SPIDR: variants seen among roughly 807,000 people sequenced by gnomAD.
SPIDR encodes the protein scaffold protein involved in DNA repair.
In SPIDR, 93 loss-of-function variants were observed where a neutral mutation model predicts 104.6. The ratio of observed to expected loss-of-function variants is 0.89; its 90% CI spans 0.75 to 1.06. The LOEUF is 1.06. Among genes scored for constraint, SPIDR ranks in the 50% least tolerant of loss-of-function variants. SPIDR has a pLI of 0.00. For synonymous variants in SPIDR, 431 were observed against 416.9 expected (o/e 1.03, Z -0.41); for missense variants, 1,154 against 1,111.2 (o/e 1.04, Z -0.55).
At chr8:47,305,970 T>C (rs1346567852) in intron 5 of SPIDR, among the ~76,000 whole-genome samples, 4 of 152,180 alleles carry the variant, frequency 2.6e-5, no homozygotes, top group Non-Finnish European at 4.4e-5. Context: ...CATTAAACAG[T>C]AACTCCTCCT....
At chr8:47,481,956 A>G (rs974872805) in intron 8 of SPIDR, among the ~76,000 whole-genome samples, 5 of 152,226 alleles carry the variant, frequency 3.3e-5, no homozygotes, top group South Asian at 2.1e-4. Flanking sequence ...ACTAAAGCCA[A>G]CATTTTTCAT....
intron 1 of SPIDR, among the ~76,000 whole-genome samples, chr8:47,268,176 A>G (rs889962969): frequency 1.1e-4 from 16 of 152,348 alleles, no homozygotes; most frequent in African/African-American, 3.4e-4. Flanking sequence ...TTTCTGGTCT[A>G]TGAATTCTAT....
At chr8:47,576,214 C>T (rs972941766) in intron 8 of SPIDR, among the ~76,000 whole-genome samples, 1 of 152,048 alleles carries the variant, frequency 6.6e-6, no homozygotes, top group Non-Finnish European at 1.5e-5. Flanking sequence ...TGCAATGGCA[C>T]AATTTCAGCT....
chr8:47,568,793 A>C (rs1293101440), intron 8 of SPIDR, among the ~76,000 whole-genome samples: 1 of 152,238 alleles, frequency 6.6e-6, no homozygotes, highest in Non-Finnish European at 1.5e-5. Flanking sequence ...AATGTACTCC[A>C]AGCAAGATAA....
chr8:47,535,745 A>G (rs1350454601), intron 8 of SPIDR, among the ~76,000 whole-genome samples: 8 of 152,162 alleles, frequency 5.3e-5, no homozygotes, highest in Non-Finnish European at 1.2e-4. Context: ...CTTGTTAAAG[A>G]ACCTCTGCAA....
intron 8 of SPIDR, among the ~76,000 whole-genome samples, chr8:47,484,711 T>A (rs1554729567): frequency 5.9e-5 from 9 of 152,224 alleles, no homozygotes. Flanking sequence ...AGAATTGTTA[T>A]AAAAGACATC....
chr8:47,352,061 G>A (rs944168655), intron 5 of SPIDR, among the ~76,000 whole-genome samples: 3 of 151,996 alleles, frequency 2.0e-5, no homozygotes, highest in Admixed American at 6.6e-5. Context: ...GGTGGATCAC[G>A]AGGTCAAGAG....
At chr8:47,632,595 A>G (rs142631998) in intron 10 of SPIDR, among the ~76,000 whole-genome samples, 2,212 of 152,284 alleles carry the variant, frequency 0.015, 165 homozygotes, top group Admixed American at 0.12. Context: ...CTCTTAGCCA[A>G]AGAATGTCGG....
chr8:47,620,678 C>G (rs2065021203), intron 10 of SPIDR, among the ~76,000 whole-genome samples: 1 of 151,938 alleles, frequency 6.6e-6, no homozygotes, highest in Non-Finnish European at 1.5e-5. Context: ...AGTGCAGTGG[C>G]GTGATCTCGG....
At chr8:47,567,094 A>G (rs1470065884) in intron 8 of SPIDR, among the ~76,000 whole-genome samples, 1 of 152,160 alleles carries the variant, frequency 6.6e-6, no homozygotes, top group Non-Finnish European at 1.5e-5. Context: ...AAGTAATCAC[A>G]GTATAAGATA....
chr8:47,577,015 G>A (rs563279743), intron 8 of SPIDR, among the ~76,000 whole-genome samples: 1 of 152,192 alleles, frequency 6.6e-6, no homozygotes, highest in Non-Finnish European at 1.5e-5. Flanking sequence ...ATTATAAAAT[G>A]TGCGTATTGT....
chr8:47,685,072 C>T (rs2077580076), intron 11 of SPIDR, among the ~76,000 whole-genome samples: 1 of 152,046 alleles, frequency 6.6e-6, no homozygotes, highest in South Asian at 2.1e-4. Context: ...TATAGCCGGG[C>T]GTGGTGGCAG....
intron 7 of SPIDR, among the ~76,000 whole-genome samples, chr8:47,420,162 G>A (rs1469469706): frequency 2.6e-5 from 4 of 151,986 alleles, no homozygotes; most frequent in African/African-American, 7.3e-5. Flanking sequence ...TCAATTCCTG[G>A]GTATCCTTGT....
chr8:47,356,962 T>A (rs1554626198), intron 5 of SPIDR, among the ~76,000 whole-genome samples: 2 of 152,162 alleles, frequency 1.3e-5, no homozygotes, highest in Admixed American at 6.5e-5. Flanking sequence ...TTATTTTGCA[T>A]ATGGGGTAAC....
At chr8:47,506,569 A>G (rs1423677308) in intron 8 of SPIDR, among the ~76,000 whole-genome samples, 1 of 152,166 alleles carries the variant, frequency 6.6e-6, no homozygotes, top group African/African-American at 2.4e-5. Flanking sequence ...GAGAAAGGAA[A>G]TTAGTTAACA....
At chr8:47,409,888 C>G (rs578170712) in intron 7 of SPIDR, among the ~76,000 whole-genome samples, 1 of 152,014 alleles carries the variant, frequency 6.6e-6, no homozygotes, top group African/African-American at 2.4e-5. Context: ...ATTAACTGTA[C>G]GTGGTGGCAC....
intron 10 of SPIDR, chr8:47,653,935 G>A (rs2072187449): frequency 1.0e-6 from 1 of 972,750 alleles, no homozygotes; most frequent in Non-Finnish European, 1.2e-6. Flanking sequence ...AATAAGAGAA[G>A]TCTTCATATA....
intron 5 of SPIDR, among the ~76,000 whole-genome samples, chr8:47,321,924 C>T (rs1356127704): frequency 6.6e-6 from 1 of 152,124 alleles, no homozygotes; most frequent in African/African-American, 2.4e-5. Context: ...CCCTTCCTTA[C>T]ACCTTATACT....
At chr8:47,275,132 G>C (rs574963014) in intron 1 of SPIDR, among the ~76,000 whole-genome samples, 1 of 151,470 alleles carries the variant, frequency 6.6e-6, no homozygotes, top group Non-Finnish European at 1.5e-5. Flanking sequence ...GGTGGGGGGC[G>C]CCTGTAGTCC....
Sources: allele counts gnomAD v4.1 joint callset (sites outside exome capture counted in the v4.1 genomes callset), GRCh38; gene constraint gnomAD v4.1.1; transcripts MANE v1.5; gene names NCBI Gene and HGNC (gene_info 2026-07-23, HGNC 2026-07-21).